RAMP1: variants seen among roughly 807,000 people sequenced by gnomAD.
RAMP1 encodes the protein receptor activity modifying protein 1, also known as receptor activity-modifying protein 1.
Under a neutral mutation model 8.2 loss-of-function variants are expected in RAMP1, and 7 were observed. The ratio of observed to expected loss-of-function variants is 0.85; its 90% CI spans 0.49 to 1.60. The LOEUF is 1.60. Ranked by LOEUF, RAMP1 falls within the 40% of genes most tolerant of loss-of-function variation. RAMP1 has a pLI of 0.00. For synonymous variants in RAMP1, 92 were observed against 84.7 expected, an observed-to-expected ratio of 1.09 and a Z score of -0.47; for missense variants, 192 against 202.4, an observed-to-expected ratio of 0.95 and a Z score of 0.31.
rs528179425 is a variant in RAMP1 at position 237,888,556 on chromosome 2, GGT to G, written c.191+11195_191+11196del. Among the ~76,000 whole-genome samples the G allele has an allele frequency of 3.0e-3, 459 of 152,268 alleles. 4 individuals are homozygous for G. The highest frequency in any genetic ancestry group is 0.011 in the African/African-American group (438 of 41,552). ...CTTTGGCAATTAGGAAAGTTGAACTGGTCTCTGACAGTTATTTGGAATTTGTT... is the reference window on the plus strand; with the variant it reads ...CTTTGGCAATTAGGAAAGTTGAACTGCTCTGACAGTTATTTGGAATTTGTT... On this transcript the variant is annotated intron_variant, in intron 2 of 2. Transcript: ENST00000254661.
intron 1 of RAMP1, among the ~76,000 whole-genome samples, chr2:237,875,291 TCA>T (rs1559939133): frequency 6.6e-6 from 1 of 152,092 alleles, no homozygotes; most frequent in African/African-American, 2.4e-5. Flanking sequence ...CAAGGTGCAC[TCA>T]CAGTGCTGGT....
chr2:237,872,256 G>A (rs541437841), intron 1 of RAMP1, among the ~76,000 whole-genome samples: 124 of 152,292 alleles, frequency 8.1e-4, no homozygotes, highest in Middle Eastern at 3.4e-3. Flanking sequence ...TGGTGCTGCC[G>A]GGGGCACCTC....
rs1312598960 is a variant in RAMP1, at chr2:237,878,456, C to G, written c.191+1094C>G. Among the ~76,000 whole-genome samples the G allele has an allele frequency of 1.3e-5, 2 of 152,258 alleles. No homozygotes were observed. The highest frequency in any genetic ancestry group is 3.8e-4 in the East Asian group (2 of 5,198). On this transcript the variant is annotated intron_variant, in intron 2 of 2. Transcript: ENST00000254661. The surrounding 1 kb of genome is among the most constrained non-coding windows in gnomAD (Gnocchi z 5.7). Reference sequence around the variant, plus strand: ...CCTAGTTGGACTCGTCACCCCTCCCCTGTGGGTTGCAGGCTGGCGTGAGCA... The same window carrying G: ...CCTAGTTGGACTCGTCACCCCTCCCGTGTGGGTTGCAGGCTGGCGTGAGCA...
At chr2:237,879,351 C>A (rs1273364481) in intron 2 of RAMP1, among the ~76,000 whole-genome samples, 1 of 151,890 alleles carries the variant, frequency 6.6e-6, no homozygotes, top group Non-Finnish European at 1.5e-5. Context: ...GAAGCCACCA[C>A]AGATGGCTTC....
chr2:237,895,706 G>A (rs557311384), intron 2 of RAMP1, among the ~76,000 whole-genome samples: 54 of 132,138 alleles, frequency 4.1e-4, no homozygotes, highest in South Asian at 1.6e-3. Flanking sequence ...TTCTTGTACA[G>A]AGAGGGTGAG....
chr2:237,894,176 G>T (rs939766670), intron 2 of RAMP1, among the ~76,000 whole-genome samples: 1 of 151,802 alleles, frequency 6.6e-6, no homozygotes, highest in South Asian at 2.1e-4. Context: ...TCGCCATGTT[G>T]CCCAGGCTGG....
At chr2:237,874,888 G>T (rs2062284582) in intron 1 of RAMP1, among the ~76,000 whole-genome samples, 1 of 152,186 alleles carries the variant, frequency 6.6e-6, no homozygotes, top group Admixed American at 6.5e-5. Context: ...ACAGGGTAAG[G>T]GGGCAGGCTT....
chr2:237,902,120 C>G (rs529841452), intron 2 of RAMP1, among the ~76,000 whole-genome samples: 1 of 151,884 alleles, frequency 6.6e-6, no homozygotes, highest in Non-Finnish European at 1.5e-5. Flanking sequence ...AGCCCAAGGC[C>G]GAGAGAGAAG....
chr2:237,869,227 T>C (rs2151004403), intron 1 of RAMP1, among the ~76,000 whole-genome samples: 1 of 152,302 alleles, frequency 6.6e-6, no homozygotes, highest in East Asian at 1.9e-4. Context: ...AGCTGCATGG[T>C]GACTTCTTAT....
At position 237,890,593 on chromosome 2, in the gene RAMP1, T is replaced by C. The variant is rs575899072; in HGVS notation, c.191+13231T>C. Among the ~76,000 whole-genome samples the C allele has an allele frequency of 3.9e-5, 6 of 152,360 alleles. No individual in the cohort carries two copies. The East Asian group carries it at 9.6e-4, about 24-fold the overall frequency. On this transcript the variant is annotated intron_variant, in intron 2 of 2. Coordinates refer to ENST00000254661, the MANE Select transcript of RAMP1 (RefSeq NM_005855.4). ...ATCAAACCTCAGTAATTTGGGGGAT[T>C]TCCTTCTCCAGTTACTTCCTCCACT...
chr2:237,859,659 C>A lies in RAMP1; in HGVS notation c.-17C>A. 2 of 1,468,114 alleles carry A rather than the reference C, an allele frequency of 1.4e-6. No homozygotes were observed. The highest frequency in any genetic ancestry group is 2.4e-4 in the Middle Eastern group (1 of 4,170). The allele number at this position is 1,468,114 out of a possible 1,614,324, so 90.9% of individuals were successfully genotyped here. A position where few individuals can be genotyped will look rare whatever the true frequency, so the allele number is the denominator to read the frequency against. ...GGGCGCGTGGCGAGCGGACTCGACT[C>A]GGCACCGCTGTGCACCATGGCCCGG... is the stretch of plus-strand genomic sequence containing the variant. On this transcript the variant is annotated 5_prime_UTR_variant, in exon 1 of 3. Coordinates refer to ENST00000254661, the MANE Select transcript of RAMP1 (RefSeq NM_005855.4).
chr2:237,877,490 G>C lies in RAMP1; in HGVS notation c.191+128G>C, dbSNP rs1210881. 2.6e-4 allele frequency: 338 copies of C among 1,289,338 alleles called. No homozygotes were observed. In the African/African-American group the frequency reaches 3.4e-3, roughly 13 times the overall value. The allele number at this position is 1,289,338 out of a possible 1,614,324, so 79.9% of individuals were successfully genotyped here. A position where few individuals can be genotyped will look rare whatever the true frequency, so the allele number is the denominator to read the frequency against. On this transcript the variant is annotated intron_variant, in intron 2 of 2. Transcript: ENST00000254661. This position sits in a 1 kb window ranked among gnomAD's most constrained non-coding sequence, Gnocchi z 4.4. ...ACCCCGGAAGGGTTCTTCCCCCAGT[G>C]GGGGGGGCCGGGATGAAGACAGAGG...
chr2:237,890,477 C>A (rs1489451600), intron 2 of RAMP1, among the ~76,000 whole-genome samples: 1 of 152,228 alleles, frequency 6.6e-6, no homozygotes, highest in Non-Finnish European at 1.5e-5. Context: ...GCTGGGATTA[C>A]AGGCATGAGC....
intron 2 of RAMP1, among the ~76,000 whole-genome samples, chr2:237,886,808 G>A (rs746698256): frequency 1.5e-4 from 23 of 152,208 alleles, no homozygotes; most frequent in African/African-American, 4.8e-4. Context: ...AGGCCTGTGC[G>A]TCAACGCGAA....
chr2:237,863,338 C>G (rs1266400701), intron 1 of RAMP1, among the ~76,000 whole-genome samples: 1 of 152,194 alleles, frequency 6.6e-6, no homozygotes, highest in South Asian at 2.1e-4. Flanking sequence ...AGTTCCCAGC[C>G]TGCCATACCC....
chr2:237,884,518 T>G (rs972478496), intron 2 of RAMP1, among the ~76,000 whole-genome samples: 5 of 152,122 alleles, frequency 3.3e-5, no homozygotes, highest in African/African-American at 1.2e-4. Context: ...ACGTCAGATT[T>G]CCTCACCTAA....
chr2:237,872,407 TC>T (rs1032826009), intron 1 of RAMP1, among the ~76,000 whole-genome samples: 5 of 152,178 alleles, frequency 3.3e-5, no homozygotes, highest in African/African-American at 1.2e-4. Context: ...GTCGTGGGAC[TC>T]ACGCGTGCCC....
Position 237,903,020 on chromosome 2 carries a change from A to G in RAMP1, c.192-8508A>G, listed in dbSNP as rs2062619499. ...GTCTAACCTGCTGCTGCTTTTCAAA[A>G]CTTTATTTATTTATTTAGCAGAGAG... On this transcript the variant is annotated intron_variant, in intron 2 of 2. Coordinates refer to ENST00000254661, the MANE Select transcript of RAMP1 (RefSeq NM_005855.4). Among the ~76,000 whole-genome samples the G allele has an allele frequency of 3.9e-5, 6 of 151,994 alleles. No homozygotes were observed. In the South Asian group the frequency reaches 1.2e-3, roughly 32 times the overall value.
intron 2 of RAMP1, among the ~76,000 whole-genome samples, chr2:237,897,794 T>TTTTG (rs374221529): frequency 0.029 from 4,347 of 150,880 alleles, 111 homozygotes; most frequent in Non-Finnish European, 0.043. Context: ...GGGTTTTGTT[T>TTTTG]TTTGTTTGTT....
Sources: allele counts gnomAD v4.1 joint callset (sites outside exome capture counted in the v4.1 genomes callset), GRCh38; gene constraint gnomAD v4.1.1; non-coding constraint Gnocchi (gnomAD v3.1); transcripts MANE v1.5; gene names NCBI Gene and HGNC (gene_info 2026-07-23, HGNC 2026-07-21).